Variants in DNAJC6 observed in about 807,000 individuals in gnomAD.
DNAJC6 encodes DnaJ heat shock protein family (Hsp40) member C6, also known as auxilin.
DNAJC6 carries 34 observed loss-of-function variants against 110.0 expected under a neutral mutation model. The observed-to-expected ratio is 0.31, with a 90% CI of 0.24 to 0.41. The LOEUF (loss-of-function observed/expected upper bound fraction) is 0.41. Among genes scored for constraint, DNAJC6 ranks in the 10% least tolerant of loss-of-function variants. The pLI is 1.00. For missense variants in DNAJC6, 1,031 were observed against 1,207.8 expected, an observed-to-expected ratio of 0.85 and a Z score of 2.17; for synonymous variants, 406 against 437.2, an observed-to-expected ratio of 0.93 and a Z score of 0.89.
At chr1:65,371,301 A>G (rs1319759775) in intron 4 of DNAJC6, among the ~76,000 whole-genome samples, 1 of 152,148 alleles carries the variant, frequency 6.6e-6, no homozygotes, top group Non-Finnish European at 1.5e-5. Flanking sequence ...CTTCCTGGGC[A>G]AGTCACTTTT....
chr1:65,323,936 G>A (rs1173302171), intron 1 of DNAJC6, among the ~76,000 whole-genome samples: 7 of 152,168 alleles, frequency 4.6e-5, no homozygotes, highest in Non-Finnish European at 8.8e-5. Context: ...AGATTGTTAG[G>A]AAGAACAAAT....
chr1:65,331,032 A>G (rs1417586770), intron 1 of DNAJC6, among the ~76,000 whole-genome samples: 1 of 152,174 alleles, frequency 6.6e-6, no homozygotes, highest in African/African-American at 2.4e-5. Flanking sequence ...ACTTAATCAC[A>G]TGGTCGTACC....
At chr1:65,333,760 T>C (rs1484115757) in intron 1 of DNAJC6, among the ~76,000 whole-genome samples, 1 of 152,186 alleles carries the variant, frequency 6.6e-6, no homozygotes, top group African/African-American at 2.4e-5. Flanking sequence ...CTCTCTACAA[T>C]GTCCCTCAGC....
chr1:65,383,737 T>C lies in DNAJC6; in HGVS notation c.667-456T>C, dbSNP rs145467532. 2.9e-3 allele frequency among the ~76,000 whole-genome samples: 446 copies of C among 152,328 alleles called. 2 individuals are homozygous for C. Among genetic ancestry groups the C allele is most frequent in the Middle Eastern group, 0.024 (7 of 294 alleles). On this transcript the variant is annotated intron_variant, in intron 5 of 18. Coordinates refer to ENST00000371069, the MANE Select transcript of DNAJC6 (RefSeq NM_001256864.2). ...AGTCCACAACAGATTTATTTCTACATTGAATGAAGTTGAATCTGGTGAAGG... is the reference window on the plus strand; with the variant it reads ...AGTCCACAACAGATTTATTTCTACACTGAATGAAGTTGAATCTGGTGAAGG...
chr1:65,411,503 A>G, intron 18 of DNAJC6, 77 bp downstream of exon 18: 1 of 1,427,506 alleles, frequency 7.0e-7, no homozygotes, highest in South Asian at 1.4e-5. Context: ...TTTACTTTAA[A>G]TGTGCTGGTT....
chr1:65,356,060 G>A (rs897474837), intron 1 of DNAJC6, among the ~76,000 whole-genome samples: 4 of 152,054 alleles, frequency 2.6e-5, no homozygotes, highest in Non-Finnish European at 5.9e-5. Context: ...ATCCAGATCA[G>A]TTCTGGCTGA....
At chr1:65,367,710 G>A (rs1389341643) in intron 4 of DNAJC6, among the ~76,000 whole-genome samples, 1 of 152,096 alleles carries the variant, frequency 6.6e-6, no homozygotes, top group African/African-American at 2.4e-5. Context: ...TTTGTATAAT[G>A]TTTATAAAAG....
intron 1 of DNAJC6, among the ~76,000 whole-genome samples, chr1:65,313,139 A>G (rs549984374): frequency 4.0e-5 from 6 of 151,258 alleles, no homozygotes; most frequent in African/African-American, 1.2e-4. Context: ...TGCAGTCTGG[A>G]CCTCCTGGGC....
chr1:65,390,715 C>T (rs942514838), intron 11 of DNAJC6, among the ~76,000 whole-genome samples: 6 of 152,286 alleles, frequency 3.9e-5, no homozygotes, highest in East Asian at 3.9e-4. Flanking sequence ...ATATTCCCAT[C>T]GCCTGCAGGC....
At chr1:65,354,664 T>C (rs900287548) in intron 1 of DNAJC6, among the ~76,000 whole-genome samples, 24 of 152,208 alleles carry the variant, frequency 1.6e-4, no homozygotes, top group African/African-American at 5.8e-4. Context: ...AGTGTGGACG[T>C]ACTCATGTGT....
rs939956824 is a variant in DNAJC6 at position 65,359,902 on chromosome 1, A to T, written c.194-4733A>T. Among the ~76,000 whole-genome samples the T allele has an allele frequency of 2.6e-5, 4 of 152,212 alleles. No individual in the cohort carries two copies. The South Asian group carries it at 8.3e-4, about 32-fold the overall frequency. ...ACCCTCATACCAGTTTCATGTTATG[A>T]AATATCATTCTTCTTTCTACTTTTT... On this transcript the variant is annotated intron_variant, in intron 1 of 18. Coordinates refer to ENST00000371069, the MANE Select transcript of DNAJC6 (RefSeq NM_001256864.2).
chr1:65,347,082 T>C (rs959243073), intron 1 of DNAJC6, among the ~76,000 whole-genome samples: 1 of 152,040 alleles, frequency 6.6e-6, no homozygotes, highest in Admixed American at 6.6e-5. Context: ...AGAGAAAAAA[T>C]ACTAATGACT....
intron 1 of DNAJC6, among the ~76,000 whole-genome samples, chr1:65,272,986 T>G (rs979587408): frequency 1.3e-5 from 2 of 152,236 alleles, no homozygotes; most frequent in African/African-American, 4.8e-5. Context: ...AAAATGTTTT[T>G]AGGTGGTGTG....
chr1:65,353,189 C>G (rs1645508351), intron 1 of DNAJC6, among the ~76,000 whole-genome samples: 1 of 152,094 alleles, frequency 6.6e-6, no homozygotes, highest in Non-Finnish European at 1.5e-5. Context: ...AGGAAAAAAA[C>G]AATTGATGGC....
chr1:65,363,875 T>C (rs1240049503), intron 1 of DNAJC6, among the ~76,000 whole-genome samples: 1 of 152,102 alleles, frequency 6.6e-6, no homozygotes, highest in East Asian at 1.9e-4. Context: ...ACCTGAAATA[T>C]TTGACAGATA....
At position 65,395,019 on chromosome 1, in the gene DNAJC6, G is replaced by A. The variant is rs185245369; in HGVS notation, c.2025G>A (p.Ser675=). The A allele has an allele frequency of 9.1e-5, 146 of 1,609,938 alleles. No individual in the cohort carries two copies. The highest frequency in any genetic ancestry group is 1.1e-4 in the East Asian group (5 of 44,448). ...DPFLQPTRSP[S]PTVHASSTPA... Reference sequence around the variant, plus strand: ...TTCTCCAGCCAACAAGAAGTCCTTCGCCCACAGTACATGGTAAGGAAATAT... The same window carrying A: ...TTCTCCAGCCAACAAGAAGTCCTTCACCCACAGTACATGGTAAGGAAATAT... The change falls in exon 13 of 19, where the codon TCG becomes TCA. Residue 675 remains serine (S), a synonymous_variant. Coordinates refer to ENST00000371069, the MANE Select transcript of DNAJC6 (RefSeq NM_001256864.2).
chr1:65,297,766 G>A (rs766495535), intron 1 of DNAJC6, among the ~76,000 whole-genome samples: 7 of 152,302 alleles, frequency 4.6e-5, no homozygotes, highest in South Asian at 2.1e-4. Context: ...TCCTGTAGCC[G>A]GAGGCTGCAA....
intron 14 of DNAJC6, among the ~76,000 whole-genome samples, chr1:65,401,231 T>C (rs1249293701): frequency 1.3e-5 from 2 of 152,082 alleles, no homozygotes; most frequent in Non-Finnish European, 2.9e-5. Context: ...GAGATAAGAG[T>C]CTTTTTACCC....
At chr1:65,290,876 T>C (rs1203395601) in intron 1 of DNAJC6, among the ~76,000 whole-genome samples, 1 of 152,198 alleles carries the variant, frequency 6.6e-6, no homozygotes, top group African/African-American at 2.4e-5. Flanking sequence ...ATTATTAATT[T>C]TGTGTTGTGT....
Sources: gnomAD v4.1 joint callset for allele counts (sites outside exome capture counted in the v4.1 genomes callset) on GRCh38, gnomAD v4.1.1 for gene constraint, MANE v1.5 for transcripts, NCBI Gene and HGNC (gene_info 2026-07-23, HGNC 2026-07-21) for gene names.